The following CD226 variants were observed in gnomAD, a reference collection of about 807,000 sequenced individuals.
CD226 encodes CD226 molecule.
Under a neutral mutation model 34.9 loss-of-function variants are expected in CD226, and 24 were observed. That is an observed-to-expected ratio of 0.69 (90% CI 0.50 to 0.97). The LOEUF is 0.97. Ranked by LOEUF, CD226 falls within the 50% of genes least tolerant of loss-of-function variation. CD226 has a pLI of 0.00. For missense variants in CD226, 397 were observed against 412.7 expected (o/e 0.96, Z 0.33); for synonymous variants, 148 against 147.4 (o/e 1.00, Z -0.03).
intron 3 of CD226, among the ~76,000 whole-genome samples, chr18:69,880,335 A>G (rs1276997986): frequency 1.1e-5 from 1 of 87,722 alleles, no homozygotes; most frequent in African/African-American, 4.0e-5. Flanking sequence ...AAAGAGAGAA[A>G]GAAAGAAAGA....
chr18:69,895,649 G>C (rs374088486), intron 3 of CD226, 52 bp downstream of exon 3: 54 of 1,366,572 alleles, frequency 4.0e-5, no homozygotes, highest in Non-Finnish European at 5.6e-5. Context: ...ACCAGCCCAC[G>C]GGGCTGGCTT....
chr18:69,922,656 G>A (rs2055466294), intron 2 of CD226, among the ~76,000 whole-genome samples: 2 of 152,114 alleles, frequency 1.3e-5, no homozygotes, highest in Admixed American at 6.5e-5. Context: ...GAGAAATGAG[G>A]ACTCATCTCT....
chr18:69,932,735 T>A (rs2055604229), intron 2 of CD226, among the ~76,000 whole-genome samples: 1 of 152,200 alleles, frequency 6.6e-6, no homozygotes, highest in Non-Finnish European at 1.5e-5. Flanking sequence ...TTCTGATCTC[T>A]GAAGTTCCTT....
At chr18:69,901,517 A>G (rs2055182528) in intron 2 of CD226, among the ~76,000 whole-genome samples, 1 of 152,204 alleles carries the variant, frequency 6.6e-6, no homozygotes, top group Non-Finnish European at 1.5e-5. Context: ...TACTGGTCAC[A>G]GGGGAACTGA....
At chr18:69,910,190 C>T (rs2055306686) in intron 2 of CD226, among the ~76,000 whole-genome samples, 1 of 152,216 alleles carries the variant, frequency 6.6e-6, no homozygotes, top group South Asian at 2.1e-4. Flanking sequence ...AAGAAGGAGG[C>T]AGCCCTGTGA....
upstream of CD226, among the ~76,000 whole-genome samples, chr18:69,950,782 AG>A: frequency 6.6e-6 from 1 of 152,056 alleles, no homozygotes; most frequent in South Asian, 2.1e-4. Context: ...CAATTCTAAG[AG>A]CGATTGGAGA....
At chr18:69,877,143 C>T (rs1301099802) in intron 3 of CD226, among the ~76,000 whole-genome samples, 1 of 152,162 alleles carries the variant, frequency 6.6e-6, no homozygotes, top group Non-Finnish European at 1.5e-5. Context: ...GGATTGCAGG[C>T]GTGAGCCACC....
chr18:69,904,559 T>A (rs2055228381), intron 2 of CD226, among the ~76,000 whole-genome samples: 1 of 152,200 alleles, frequency 6.6e-6, no homozygotes, highest in Non-Finnish European at 1.5e-5. Flanking sequence ...TTAAAAAAAA[T>A]AACTTTCAAT....
chr18:69,894,945 T>G (rs943473913), intron 3 of CD226, among the ~76,000 whole-genome samples: 1 of 151,908 alleles, frequency 6.6e-6, no homozygotes, highest in Admixed American at 6.6e-5. Context: ...AAAAGACAAA[T>G]GCCTAATATA....
At chr18:69,904,633 A>T (rs1372032999) in intron 2 of CD226, among the ~76,000 whole-genome samples, 3 of 152,246 alleles carry the variant, frequency 2.0e-5, no homozygotes, top group Non-Finnish European at 4.4e-5. Flanking sequence ...GATTTGCTGA[A>T]TCACATGGAA....
At chr18:69,932,306 T>C (rs1210096970) in intron 2 of CD226, among the ~76,000 whole-genome samples, 1 of 152,224 alleles carries the variant, frequency 6.6e-6, no homozygotes, top group Admixed American at 6.5e-5. Context: ...CTTAGAATAG[T>C]GTACATTTGT....
intron 2 of CD226, among the ~76,000 whole-genome samples, chr18:69,905,681 G>T (rs1054418179): frequency 6.6e-6 from 1 of 152,172 alleles, no homozygotes. Flanking sequence ...ATTACTGGGT[G>T]TAAATAAAAC....
intron 4 of CD226, 50 bp from the exon 5 acceptor site, chr18:69,867,461 A>C (rs753720565): frequency 8.2e-7 from 1 of 1,212,962 alleles, no homozygotes; most frequent in Non-Finnish European, 1.2e-6. Flanking sequence ...TTCCAGTACT[A>C]ATATTATTTC....
At chr18:69,885,093 G>A (rs533349070) in intron 3 of CD226, among the ~76,000 whole-genome samples, 7 of 152,206 alleles carry the variant, frequency 4.6e-5, no homozygotes, top group African/African-American at 1.4e-4. Context: ...CTACATTACA[G>A]TGCTACCATT....
upstream of CD226, among the ~76,000 whole-genome samples, chr18:69,960,743 C>T (rs1599042128): frequency 6.6e-6 from 1 of 152,234 alleles, no homozygotes. Context: ...AGCCACTGTG[C>T]CTGGCCAGAT....
At position 69,889,478 on chromosome 18, in the gene CD226, T is replaced by C. The variant is rs990238385; in HGVS notation, c.727+6223A>G. On this transcript the variant is annotated intron_variant, in intron 3 of 5. Transcript: ENST00000582621. ...AGTGGGACAGAAGGTTCTGGATTAA[T>C]GGAATCCTTAAAAAAAAAAAAAAAC... is the stretch of plus-strand genomic sequence containing the variant. Among the ~76,000 whole-genome samples the C allele has an allele frequency of 2.5e-4, 16 of 63,802 alleles. 1 individual carries two copies. Among genetic ancestry groups the C allele is most frequent in the Non-Finnish European group, 9.9e-5 (3 of 30,280 alleles). 41.9% of individuals were successfully genotyped at this position (63,802 alleles called of 152,430 possible). A position where few individuals can be genotyped will look rare whatever the true frequency, so the allele number is the denominator to read the frequency against.
chr18:69,902,502 C>G lies in CD226; in HGVS notation c.383-6457G>C, dbSNP rs189510859. On this transcript the variant is annotated intron_variant, in intron 2 of 5. Coordinates refer to ENST00000582621, the MANE Select transcript of CD226 (RefSeq NM_001303618.2). The stretch of plus-strand genomic sequence containing the variant: ...CGTGACATTGCACTTGCCTGCCTCT[C>G]CTCTCTCCTTTCTGACCTCCCTCTG... Among the ~76,000 whole-genome samples, 436 of 151,778 alleles carry G rather than the reference C, an allele frequency of 2.9e-3. 4 individuals are homozygous for G. Among genetic ancestry groups the G allele is most frequent in the Middle Eastern group, 0.014 (4 of 294 alleles).
chr18:69,893,565 G>A (rs1214926525), intron 3 of CD226, among the ~76,000 whole-genome samples: 1 of 151,980 alleles, frequency 6.6e-6, no homozygotes, highest in African/African-American at 2.4e-5. Context: ...TCTTGCCTTG[G>A]TCTCTAATCT....
At chr18:69,928,705 A>G (rs1247388180) in intron 2 of CD226, among the ~76,000 whole-genome samples, 3 of 152,354 alleles carry the variant, frequency 2.0e-5, no homozygotes, top group South Asian at 2.1e-4. Flanking sequence ...AAATGCTCCA[A>G]TGAGCATTTC....
Sources: gnomAD v4.1 joint callset for allele counts (sites outside exome capture counted in the v4.1 genomes callset) on GRCh38, gnomAD v4.1.1 for gene constraint, MANE v1.5 for transcripts, NCBI Gene and HGNC (gene_info 2026-07-23, HGNC 2026-07-21) for gene names.